Variants in XDH observed in about 807,000 individuals in gnomAD.
The protein encoded by XDH is xanthine dehydrogenase/oxidase.
A neutral mutation model predicts 156.1 loss-of-function variants in XDH; 138 were observed. The ratio of observed to expected loss-of-function variants is 0.88; its 90% CI spans 0.77 to 1.02. XDH has a LOEUF of 1.02. Ranked by LOEUF, XDH falls within the 50% of genes least tolerant of loss-of-function variation. The pLI is 0.00. For missense variants in XDH, 1,849 were observed against 1,684.9 expected (o/e 1.10, Z -1.71); for synonymous variants, 669 against 625.7 (o/e 1.07, Z -1.03).
intron 10 of XDH, 36 bp from the exon 11 acceptor site, chr2:31,383,188 C>T (rs1203770240): frequency 1.2e-6 from 2 of 1,614,036 alleles, no homozygotes; most frequent in Non-Finnish European, 1.7e-6. Flanking sequence ...GCAATTCTTC[C>T]CACAGTTCAG....
intron 33 of XDH, among the ~76,000 whole-genome samples, chr2:31,340,450 A>G (rs1685096137): frequency 6.6e-6 from 1 of 151,836 alleles, no homozygotes; most frequent in African/African-American, 2.4e-5. Context: ...GTTTTTTCCT[A>G]TCTCACCTAT....
At chr2:31,409,871 C>A (rs915597495) in intron 1 of XDH, among the ~76,000 whole-genome samples, 1 of 152,164 alleles carries the variant, frequency 6.6e-6, no homozygotes, top group African/African-American at 2.4e-5. Context: ...AGCATATGAT[C>A]CAGCAATTCC....
At chr2:31,403,563 A>T (rs531757847) in intron 2 of XDH, among the ~76,000 whole-genome samples, 1 of 152,314 alleles carries the variant, frequency 6.6e-6, no homozygotes, top group East Asian at 1.9e-4. Context: ...CCAGAATGAG[A>T]CATTGATCTG....
At chr2:31,348,217 A>T in intron 28 of XDH, 51 bp downstream of exon 28, 1 of 1,586,610 alleles carries the variant, frequency 6.3e-7, no homozygotes, top group Non-Finnish European at 8.6e-7. Flanking sequence ...TCAATTTCTT[A>T]TACCACTTCC....
intron 6 of XDH, among the ~76,000 whole-genome samples, chr2:31,396,796 T>G (rs1019146814): frequency 9.2e-5 from 14 of 152,230 alleles, no homozygotes; most frequent in African/African-American, 3.1e-4. Flanking sequence ...TAATTCTTCA[T>G]CAGCAGCAGC....
At chr2:31,353,799 G>A (rs1025610353) in intron 24 of XDH, among the ~76,000 whole-genome samples, 3 of 152,158 alleles carry the variant, frequency 2.0e-5, no homozygotes, top group Admixed American at 2.0e-4. Flanking sequence ...ACCTGCAAAA[G>A]CTCAGTAGGA....
At chr2:31,371,541 C>T (rs1005485084) in intron 17 of XDH, among the ~76,000 whole-genome samples, 1 of 152,194 alleles carries the variant, frequency 6.6e-6, no homozygotes, top group Non-Finnish European at 1.5e-5. Context: ...TCCATCCATT[C>T]ACACATTGCT....
rs550888243 is a variant in XDH, at chr2:31,394,675, T to C, written c.495+2993A>G. On this transcript the variant is annotated intron_variant, in intron 6 of 35. Coordinates refer to ENST00000379416, the MANE Select transcript of XDH (RefSeq NM_000379.4). ...ACTGCTGATATTCTCGTTACACATA[T>C]GTTACATCTTTTGTAGTTATCACAC... 7.2e-5 allele frequency among the ~76,000 whole-genome samples: 11 copies of C among 152,332 alleles called. No homozygotes were observed. The East Asian group carries it at 1.5e-3, about 21-fold the overall frequency.
At chr2:31,377,909 T>G (rs1295075705) in intron 13 of XDH, among the ~76,000 whole-genome samples, 1 of 150,446 alleles carries the variant, frequency 6.6e-6, no homozygotes, top group African/African-American at 2.5e-5. Flanking sequence ...TGGTCTCGGC[T>G]ACTTGGGAGG....
chr2:31,397,691 G>A lies in XDH; in HGVS notation c.472C>T (p.Gln158Ter), dbSNP rs756268720. Residue 158 changes from glutamine to a stop codon, truncating the protein, a stop_gained, in exon 6 of 36, where the codon CAG becomes TAG. Coordinates refer to ENST00000379416, the MANE Select transcript of XDH (RefSeq NM_000379.4). LOFTEE classifies it high-confidence loss of function. Reference protein sequence around the residue: ...CRCTGYRPILQGFRTFARDGG... With the variant: ...CRCTGYRPIL ...ACCCTGGCAAAGGTCCGGAAGCCCT[G>A]GAGGATGGGTCTGTAGCCTGTGCAG... 2 of 1,614,096 alleles carry A rather than the reference G, an allele frequency of 1.2e-6. No homozygotes were observed. The highest frequency in any genetic ancestry group is 2.2e-5 in the East Asian group (1 of 44,898).
chr2:31,350,324 C>T (rs1336091846), intron 24 of XDH, 101 bp from the exon 25 acceptor site: 12 of 1,208,722 alleles, frequency 9.9e-6, no homozygotes, highest in Non-Finnish European at 1.3e-5. Context: ...TGCCTTTCCC[C>T]TCTGCACCCA....
chr2:31,344,848 C>G (rs1685237839), intron 30 of XDH, 112 bp from the exon 31 acceptor site: 7 of 1,081,094 alleles, frequency 6.5e-6, no homozygotes, highest in Non-Finnish European at 9.8e-6. Flanking sequence ...ACTCATTTTA[C>G]TAGTGACTCC....
At chr2:31,406,085 T>C in intron 1 of XDH, 121 bp from the exon 2 acceptor site, 1 of 1,129,500 alleles carries the variant, frequency 8.9e-7, no homozygotes, top group South Asian at 1.3e-5. Context: ...TGTGATATAG[T>C]TTGCACTCTG....
chr2:31,339,439 C>G (rs367663739), intron 34 of XDH, 50 bp downstream of exon 34: 3 of 1,611,884 alleles, frequency 1.9e-6, no homozygotes, highest in Non-Finnish European at 2.5e-6. Context: ...CCGCTGGGGC[C>G]TCCCCCAGGG....
At chr2:31,352,885 C>CATT (rs1553413027) in intron 24 of XDH, among the ~76,000 whole-genome samples, 3 of 140,336 alleles carry the variant, frequency 2.1e-5, no homozygotes, top group Non-Finnish European at 1.5e-5. Flanking sequence ...AAACTTTAAC[C>CATT]TTTTTTTTTT....
chr2:31,403,289 G>T, intron 2 of XDH, 145 bp from the exon 3 acceptor site: 1 of 819,772 alleles, frequency 1.2e-6, no homozygotes, highest in Non-Finnish European at 1.9e-6. Context: ...CAGGCCCACT[G>T]GCCTCCTTAT....
At chr2:31,343,677 C>T (rs1216235891) in intron 31 of XDH, among the ~76,000 whole-genome samples, 2 of 145,578 alleles carry the variant, frequency 1.4e-5, no homozygotes, top group Non-Finnish European at 3.0e-5. Context: ...ATGTCTTATA[C>T]ATATATGTAT....
Position 31,366,881 on chromosome 2 carries a change from T to C in XDH, c.2311A>G (p.Met771Val), listed in dbSNP as rs1238629398. The C allele has an allele frequency of 3.7e-6, 6 of 1,614,182 alleles. No homozygotes were observed. Among genetic ancestry groups the C allele is most frequent in the Non-Finnish European group, 5.1e-6 (6 of 1,180,030 alleles). Residue 771 changes from methionine (M) to valine (V), a missense_variant, in exon 21 of 36, where the codon ATG becomes GTG. Physicochemically the swap from Met to Val is conservative, Grantham distance 21. Transcript: ENST00000379416. ...MELFVSTQNT[M>V]KTQSFVAKML... ...CAAAAGGCATCTACCTGGGTCTTCATGGTGTTCTGTGTAGACACAAAGAGC... is the reference window on the plus strand; with the variant it reads ...CAAAAGGCATCTACCTGGGTCTTCACGGTGTTCTGTGTAGACACAAAGAGC...
At chr2:31,370,568 T>C in intron 17 of XDH, 90 bp from the exon 18 acceptor site, 7 of 1,549,968 alleles carry the variant, frequency 4.5e-6, no homozygotes, top group Non-Finnish European at 6.2e-6. Context: ...TTATTTTGAT[T>C]GGCTTGGCTC....
Sources: allele counts gnomAD v4.1 joint callset (sites outside exome capture counted in the v4.1 genomes callset), GRCh38; gene constraint gnomAD v4.1.1; transcripts MANE v1.5; gene names NCBI Gene and HGNC (gene_info 2026-07-23, HGNC 2026-07-21).